The following MAP3K8 variants were observed in gnomAD, a reference collection of about 807,000 sequenced individuals.
MAP3K8 encodes Ewing sarcoma transformant.
A neutral mutation model predicts 45.8 loss-of-function variants in MAP3K8; 22 were observed. The ratio of observed to expected loss-of-function variants is 0.48; its 90% CI spans 0.34 to 0.69. The LOEUF (loss-of-function observed/expected upper bound fraction) is 0.69, where lower values mean the gene tolerates loss of function less well. MAP3K8 is among the 30% of genes least tolerant of loss of function. MAP3K8 has a pLI of 0.01. For synonymous variants in MAP3K8, 223 were observed against 214.3 expected, an observed-to-expected ratio of 1.04 and a Z score of -0.36; for missense variants, 419 against 585.0, an observed-to-expected ratio of 0.72 and a Z score of 2.93.
At chr10:30,457,817 T>G (rs750135364) in intron 6 of MAP3K8, among the ~76,000 whole-genome samples, 2 of 152,104 alleles carry the variant, frequency 1.3e-5, no homozygotes, top group Non-Finnish European at 2.9e-5. Context: ...CAGCTGATTT[T>G]TGTATTTTTA....
chr10:30,439,469 A>T (rs1836025874), intron 3 of MAP3K8, 195 bp downstream of exon 3: 1 of 1,151,616 alleles, frequency 8.7e-7, no homozygotes, highest in Non-Finnish European at 1.2e-6. Context: ...CTATTTAAAG[A>T]TTCTTGATCA....
intron 3 of MAP3K8, among the ~76,000 whole-genome samples, chr10:30,442,752 G>A (rs1755096423): frequency 6.6e-6 from 1 of 152,136 alleles, no homozygotes; most frequent in African/African-American, 2.4e-5. Flanking sequence ...GGGGACTGAA[G>A]GACCCCAAAA....
chr10:30,449,556 C>T (rs1410909603), intron 4 of MAP3K8, among the ~76,000 whole-genome samples: 1 of 152,166 alleles, frequency 6.6e-6, no homozygotes, highest in East Asian at 1.9e-4. Context: ...AAATAAAATA[C>T]ACTCACTTTT....
intron 3 of MAP3K8, 112 bp from the exon 4 acceptor site, chr10:30,447,670 C>A: frequency 1.2e-6 from 1 of 805,396 alleles, no homozygotes; most frequent in Non-Finnish European, 2.2e-6. Flanking sequence ...ACATTAATTT[C>A]ATAACTGTGT....
intron 3 of MAP3K8, among the ~76,000 whole-genome samples, chr10:30,447,208 C>T (rs1836371164): frequency 6.6e-6 from 1 of 152,206 alleles, no homozygotes; most frequent in Admixed American, 6.5e-5. Flanking sequence ...CAATAGATAA[C>T]AATGCATGCG....
intron 6 of MAP3K8, among the ~76,000 whole-genome samples, chr10:30,457,456 T>C (rs367937624): frequency 2.9e-4 from 44 of 152,328 alleles, no homozygotes; most frequent in African/African-American, 1.0e-3. Flanking sequence ...AGGTTAGCAG[T>C]GTAATGACAA....
intron 4 of MAP3K8, 84 bp downstream of exon 4, chr10:30,448,033 G>A (rs991110252): frequency 8.8e-5 from 110 of 1,250,682 alleles, no homozygotes; most frequent in Non-Finnish European, 1.2e-4. Flanking sequence ...TTAACCAAAG[G>A]TTTTTATCGT....
chr10:30,438,789 A>T (rs1835995783), intron 2 of MAP3K8, 127 bp from the exon 3 acceptor site: 2 of 606,642 alleles, frequency 3.3e-6, no homozygotes, highest in Non-Finnish European at 5.8e-6. Context: ...CACAGTTGAC[A>T]CAGAACCCTC....
At chr10:30,456,767 G>A (rs534654964) in intron 6 of MAP3K8, among the ~76,000 whole-genome samples, 2 of 152,226 alleles carry the variant, frequency 1.3e-5, no homozygotes, top group African/African-American at 4.8e-5. Flanking sequence ...TCAAACTCCT[G>A]GGCTCAAGCA....
At chr10:30,443,099 CA>C (rs993209541) in intron 3 of MAP3K8, among the ~76,000 whole-genome samples, 13 of 152,104 alleles carry the variant, frequency 8.5e-5, no homozygotes, top group African/African-American at 2.9e-4. Flanking sequence ...ACTTATTGGC[CA>C]TTAAAAAAAG....
chr10:30,455,229 A>T (rs962031418), intron 6 of MAP3K8, among the ~76,000 whole-genome samples: 2 of 152,216 alleles, frequency 1.3e-5, no homozygotes, highest in Non-Finnish European at 2.9e-5. Context: ...CACGAGTTGA[A>T]GTTTGATAAT....
At chr10:30,450,767 C>G in intron 5 of MAP3K8, 1 of 449,622 alleles carries the variant, frequency 2.2e-6, no homozygotes, top group South Asian at 2.7e-5. Flanking sequence ...TTAGGTACTG[C>G]TCTGTTAAAA....
chr10:30,454,579 AC>A (rs1443318101), intron 6 of MAP3K8, among the ~76,000 whole-genome samples: 5 of 142,976 alleles, frequency 3.5e-5, no homozygotes, highest in African/African-American at 1.2e-4. Context: ...AAAAAAAAAA[AC>A]GCCAAGATTC....
chr10:30,455,450 C>T (rs975336628), intron 6 of MAP3K8, among the ~76,000 whole-genome samples: 6 of 152,214 alleles, frequency 3.9e-5, no homozygotes, highest in African/African-American at 1.4e-4. Flanking sequence ...TGATTGCTCT[C>T]TCTAAGCATT....
intron 4 of MAP3K8, 100 bp downstream of exon 4, chr10:30,448,049 TG>T: frequency 8.9e-7 from 1 of 1,121,082 alleles, no homozygotes; most frequent in Non-Finnish European, 1.3e-6. Flanking sequence ...ATCGTTTGAT[TG>T]GGTCTTATCT....
chr10:30,437,252 G>C lies in MAP3K8; in HGVS notation c.-178G>C. ...TTTGCAGATAAGAAAGGAAGCTAAC[G>C]CAGTATCTGCAAAGCCAGGAGTCTG... On this transcript the variant is annotated 5_prime_UTR_variant, in exon 2 of 9. Coordinates refer to ENST00000263056, the MANE Select transcript of MAP3K8 (RefSeq NM_005204.4). The C allele has an allele frequency of 1.0e-6, 1 of 985,234 alleles. No homozygotes were observed. Among genetic ancestry groups the C allele is most frequent in the Non-Finnish European group, 1.2e-6 (1 of 829,816 alleles). 61.0% of individuals were successfully genotyped at this position (985,234 alleles called of 1,614,324 possible). A position where few individuals can be genotyped will look rare whatever the true frequency, so the allele number is the denominator to read the frequency against.
rs777228679 is a variant in MAP3K8, at chr10:30,459,161, AC to A, written c.1027-93del. 4.0e-5 allele frequency: 55 copies of A among 1,386,626 alleles called. No homozygotes were observed. The Admixed American group carries it at 5.8e-4, about 15-fold the overall frequency. The allele number at this position is 1,386,626 out of a possible 1,614,324, so 85.9% of individuals were successfully genotyped here. Reference sequence around the variant, plus strand: ...TTCGTTGCAGGGCATGTGGTGGAAAACGGATTACTTTCTAGGTCCTGGTACT... The same window carrying A: ...TTCGTTGCAGGGCATGTGGTGGAAAAGGATTACTTTCTAGGTCCTGGTACT... On this transcript the variant is annotated intron_variant, in intron 7 of 8. Transcript: ENST00000263056.
rs150931318 is a variant in MAP3K8 at position 30,442,687 on chromosome 10, C to T, written c.336+3413C>T. Among the ~76,000 whole-genome samples, 29 of 152,252 alleles carry T rather than the reference C, an allele frequency of 1.9e-4. No homozygotes were observed. The South Asian group carries it at 2.3e-3, about 12-fold the overall frequency. Reference sequence around the variant, plus strand: ...ATCTACGCTGATTCATAACCTGGCCCGGGAACAAATAATCTAAAATGAGTT... The same window carrying T: ...ATCTACGCTGATTCATAACCTGGCCTGGGAACAAATAATCTAAAATGAGTT... On this transcript the variant is annotated intron_variant, in intron 3 of 8. Coordinates refer to ENST00000263056, the MANE Select transcript of MAP3K8 (RefSeq NM_005204.4).
chr10:30,434,097 G>A (rs8176952), upstream of MAP3K8: 23,032 of 153,514 alleles, frequency 0.15, 5,110 homozygotes, highest in African/African-American at 0.49. Flanking sequence ...GGTGGCTGGC[G>A]TCCGCTGCGC....
Sources: allele counts gnomAD v4.1 joint callset (sites outside exome capture counted in the v4.1 genomes callset), GRCh38; gene constraint gnomAD v4.1.1; transcripts MANE v1.5; gene names NCBI Gene and HGNC (gene_info 2026-07-23, HGNC 2026-07-21).